ELAPOR2: variants seen among roughly 807,000 people sequenced by gnomAD.
ELAPOR2 encodes the protein endosome/lysosome-associated apoptosis and autophagy regulator family member 2.
ELAPOR2 carries 89 observed loss-of-function variants against 120.7 expected under a neutral mutation model. The observed-to-expected ratio is 0.74, with a 90% confidence interval of 0.62 to 0.88. ELAPOR2 has a LOEUF of 0.88. Ranked by LOEUF, ELAPOR2 falls within the 40% of genes least tolerant of loss-of-function variation. The pLI is 0.00. For missense variants in ELAPOR2, 1,134 were observed against 1,251.6 expected, an observed-to-expected ratio of 0.91 and a Z score of 1.42; for synonymous variants, 444 against 444.9, an observed-to-expected ratio of 1.00 and a Z score of 0.03.
chr7:86,919,330 T>C lies in ELAPOR2; in HGVS notation c.1400-20A>G, dbSNP rs768141849. 15 of 1,444,060 alleles carry C rather than the reference T, an allele frequency of 1.0e-5. No individual in the cohort carries two copies. The highest frequency in any genetic ancestry group is 3.6e-4 in the Middle Eastern group (2 of 5,622). The allele number at this position is 1,444,060 out of a possible 1,614,324, so 89.5% of individuals were successfully genotyped here. On this transcript the variant is annotated intron_variant, in intron 10 of 21. Coordinates refer to ENST00000450689, the MANE Select transcript of ELAPOR2 (RefSeq NM_001142749.3). Reference sequence around the variant, plus strand: ...CCCAACCTAGAAGTAATAAAAGTCATTTTTATTAATAAAAATTCCATTAAT... The same window carrying C: ...CCCAACCTAGAAGTAATAAAAGTCACTTTTATTAATAAAAATTCCATTAAT...
At chr7:86,972,165 CAG>C (rs1439176695) in intron 1 of ELAPOR2, among the ~76,000 whole-genome samples, 2 of 152,162 alleles carry the variant, frequency 1.3e-5, no homozygotes, top group African/African-American at 2.4e-5. Context: ...AAATACCTGA[CAG>C]AGACTTCTGA....
Position 86,878,425 on chromosome 7 carries a change from T to A in ELAPOR2, c.*2046A>T, listed in dbSNP as rs1345937162. 2.0e-5 allele frequency: 3 copies of A among 152,174 alleles called. No individual in the cohort carries two copies. The highest frequency in any genetic ancestry group is 6.5e-5 in the Admixed American group (1 of 15,280). The allele number at this position is 152,174 out of a possible 1,614,324, so 9.4% of individuals were successfully genotyped here. On this transcript the variant is annotated 3_prime_UTR_variant, in exon 22 of 22. Transcript: ENST00000450689. ...ATAAATTCTCCAATATCAACTACAT[T>A]TTCGGAGAGTTCATTAAAATTTAAG...
At chr7:87,040,697 G>T (rs1794754263) in intron 1 of ELAPOR2, among the ~76,000 whole-genome samples, 2 of 152,356 alleles carry the variant, frequency 1.3e-5, no homozygotes, top group South Asian at 4.1e-4. Flanking sequence ...ACTCTAAAAA[G>T]CAGAGCGCCT....
At chr7:87,042,959 A>G (rs1794832585) in intron 1 of ELAPOR2, among the ~76,000 whole-genome samples, 1 of 152,198 alleles carries the variant, frequency 6.6e-6, no homozygotes, top group African/African-American at 2.4e-5. Flanking sequence ...AATACAAACT[A>G]CCATCAGTGA....
intron 10 of ELAPOR2, among the ~76,000 whole-genome samples, chr7:86,923,461 CTT>C (rs1789917691): frequency 6.6e-6 from 1 of 151,936 alleles, no homozygotes; most frequent in South Asian, 2.1e-4. Context: ...ATTTTAATAA[CTT>C]AACAATGTTA....
chr7:86,937,489 C>T (rs912123998), intron 8 of ELAPOR2, among the ~76,000 whole-genome samples: 2 of 152,076 alleles, frequency 1.3e-5, no homozygotes, highest in Admixed American at 6.6e-5. Flanking sequence ...TAGGCTAATT[C>T]TTTAATTAAG....
chr7:86,965,887 G>C (rs1791884910), intron 1 of ELAPOR2: 1 of 984,466 alleles, frequency 1.0e-6, no homozygotes, highest in South Asian at 4.7e-5. Context: ...CTGTGTCAAT[G>C]ACAAGTGAGA....
At chr7:86,958,753 C>T (rs994562587) in intron 2 of ELAPOR2, among the ~76,000 whole-genome samples, 4 of 152,204 alleles carry the variant, frequency 2.6e-5, no homozygotes, top group African/African-American at 7.2e-5. Flanking sequence ...AATTAACATA[C>T]ATGGCTCAGA....
intron 18 of ELAPOR2, among the ~76,000 whole-genome samples, chr7:86,901,541 G>A (rs1788725383): frequency 6.6e-6 from 1 of 152,160 alleles, no homozygotes; most frequent in African/African-American, 2.4e-5. Flanking sequence ...TTATAATTCA[G>A]TATAAATACG....
intron 12 of ELAPOR2, among the ~76,000 whole-genome samples, chr7:86,917,450 T>C (rs1789618159): frequency 6.6e-6 from 1 of 152,004 alleles, no homozygotes. Context: ...GACAGCAGTA[T>C]AGATGAAAGA....
intron 2 of ELAPOR2, among the ~76,000 whole-genome samples, chr7:86,956,009 AG>A (rs1342163115): frequency 6.6e-6 from 1 of 152,036 alleles, no homozygotes; most frequent in African/African-American, 2.4e-5. Flanking sequence ...CAAAAATAAA[AG>A]GGGAAAAAAA....
At chr7:86,935,470 G>C (rs765794819) in intron 8 of ELAPOR2, among the ~76,000 whole-genome samples, 7 of 152,006 alleles carry the variant, frequency 4.6e-5, no homozygotes, top group Non-Finnish European at 2.9e-5. Context: ...CTCTGCTGTA[G>C]CACTAATCCC....
chr7:86,908,628 T>A (rs1789149759), intron 16 of ELAPOR2, 85 bp from the exon 17 acceptor site: 1 of 591,730 alleles, frequency 1.7e-6, no homozygotes, highest in African/African-American at 2.0e-5. Context: ...GAAAATAGCT[T>A]TAATGACTGT....
At chr7:87,038,349 A>T (rs1405550089) in intron 1 of ELAPOR2, among the ~76,000 whole-genome samples, 1 of 152,226 alleles carries the variant, frequency 6.6e-6, no homozygotes, top group East Asian at 1.9e-4. Context: ...TCTGGATATT[A>T]CATATCTCAA....
At position 86,945,628 on chromosome 7, in the gene ELAPOR2, G is replaced by A. The variant is rs538519707; in HGVS notation, c.507-582C>T. Among the ~76,000 whole-genome samples, 5 of 152,126 alleles carry A rather than the reference G, an allele frequency of 3.3e-5. 1 individual carries two copies. In the South Asian group the frequency reaches 1.0e-3, roughly 32 times the overall value. ...GTTTATAACATGTTTCTAAATATAT[G>A]GCAATAGTATGAAGATAAGGGTATA... On this transcript the variant is annotated intron_variant, in intron 3 of 21. Transcript: ENST00000450689.
intron 1 of ELAPOR2, among the ~76,000 whole-genome samples, chr7:87,015,918 G>A (rs1031028734): frequency 1.3e-5 from 2 of 151,816 alleles, no homozygotes; most frequent in Non-Finnish European, 2.9e-5. Context: ...CAGTTAACAG[G>A]CCAGTTTCTT....
Position 87,023,442 on chromosome 7 carries a change from G to C in ELAPOR2, c.189+35883C>G, listed in dbSNP as rs573083129. Among the ~76,000 whole-genome samples, 181 of 152,258 alleles carry C rather than the reference G, an allele frequency of 1.2e-3. 1 individual carries two copies. Among genetic ancestry groups the C allele is most frequent in the African/African-American group, 4.1e-3 (171 of 41,558 alleles). ...GGTCTATATCTCTGTTTTGGTACCAGTACCATGCTGTTTTGGTTACTGTAG... is the reference window on the plus strand; with the variant it reads ...GGTCTATATCTCTGTTTTGGTACCACTACCATGCTGTTTTGGTTACTGTAG... On this transcript the variant is annotated intron_variant, in intron 1 of 21. Transcript: ENST00000450689.
chr7:87,041,847 G>A (rs1190857099), intron 1 of ELAPOR2, among the ~76,000 whole-genome samples: 3 of 151,886 alleles, frequency 2.0e-5, no homozygotes, highest in African/African-American at 7.3e-5. Flanking sequence ...ACCCATCAGT[G>A]TGCTGTATTC....
chr7:86,935,919 C>T lies in ELAPOR2; in HGVS notation c.1089+2207G>A, dbSNP rs1478992093. Among the ~76,000 whole-genome samples, 5 of 151,906 alleles carry T rather than the reference C, an allele frequency of 3.3e-5. No individual in the cohort carries two copies. In the East Asian group the frequency reaches 9.7e-4, roughly 29 times the overall value. On this transcript the variant is annotated intron_variant, in intron 8 of 21. Coordinates refer to ENST00000450689, the MANE Select transcript of ELAPOR2 (RefSeq NM_001142749.3). Reference sequence around the variant, plus strand: ...ATTAAAATTTTCCTGAAAAACTTCCCCCACAGGCAGAAAGAAATCTAAGCA... The same window carrying T: ...ATTAAAATTTTCCTGAAAAACTTCCTCCACAGGCAGAAAGAAATCTAAGCA...
Sources: gnomAD v4.1 joint callset for allele counts (sites outside exome capture counted in the v4.1 genomes callset) on GRCh38, gnomAD v4.1.1 for gene constraint, MANE v1.5 for transcripts, NCBI Gene and HGNC (gene_info 2026-07-23, HGNC 2026-07-21) for gene names.